The following TEP1 variants were observed in gnomAD, a reference collection of about 807,000 sequenced individuals.
TEP1 encodes the protein telomerase associated protein 1, also known as telomerase protein component 1.
A neutral mutation model predicts 306.3 loss-of-function variants in TEP1; 241 were observed. The ratio of observed to expected loss-of-function variants is 0.79; its 90% CI spans 0.71 to 0.88. The LOEUF (loss-of-function observed/expected upper bound fraction) is 0.88. Ranked by LOEUF, TEP1 falls within the 40% of genes least tolerant of loss-of-function variation. The pLI is 0.00. For missense variants in TEP1, 3,051 were observed against 3,276.1 expected (o/e 0.93, Z 1.68); for synonymous variants, 1,289 against 1,305.5 (o/e 0.99, Z 0.27).
In TEP1 at chr14:20,387,930, G is replaced by A; in HGVS notation, c.2659C>T (p.Pro887Ser). Residue 887 changes from proline (P) to serine (S), a missense_variant, in exon 18 of 55, where the codon CCC becomes TCC. By Grantham distance (74) the Pro-to-Ser change is moderately conservative. This residue lies in a region of TEP1 where 1,507 missense variants were observed against 1,550.5 expected (regional missense o/e 0.97). Transcript: ENST00000262715. ...LRPLEEDTPS[P>S]LAPVSQQGWR... ...CCTTGCTGGGAAACAGGAGCCAAGGGGCTTGGAGTGTCCTCTTCCAGTGGC... is the reference window on the plus strand; with the variant it reads ...CCTTGCTGGGAAACAGGAGCCAAGGAGCTTGGAGTGTCCTCTTCCAGTGGC... The A allele has an allele frequency of 2.5e-6, 4 of 1,613,144 alleles. No homozygotes were observed. Among genetic ancestry groups the A allele is most frequent in the Non-Finnish European group, 3.4e-6 (4 of 1,179,704 alleles).
intron 51 of TEP1, 136 bp from the exon 52 acceptor site, chr14:20,369,915 CAA>C (rs1884727013): frequency 3.5e-6 from 2 of 564,622 alleles, no homozygotes; most frequent in East Asian, 3.1e-5. Flanking sequence ...ATCAAGTGCG[CAA>C]ATTTTTTTTT....
At chr14:20,387,178 C>A (rs1292231819) in intron 18 of TEP1, among the ~76,000 whole-genome samples, 3 of 150,054 alleles carry the variant, frequency 2.0e-5, no homozygotes, top group Admixed American at 6.6e-5. Flanking sequence ...AGGTGATCTG[C>A]CCGCCTCGAC....
Position 20,385,973 on chromosome 14 carries a change from C to A in TEP1, c.2982+102G>T, listed in dbSNP as rs948106473. On this transcript the variant is annotated intron_variant, in intron 20 of 54. Coordinates refer to ENST00000262715, the MANE Select transcript of TEP1 (RefSeq NM_007110.5). ...TTTCACTTCAAGTCTCAAGGACCTG[C>A]CTGTTCATAGTTGCAGGGTTTCTGA... is the stretch of plus-strand genomic sequence containing the variant. The A allele has an allele frequency of 8.2e-6, 12 of 1,456,556 alleles. No homozygotes were observed. In the East Asian group the frequency reaches 2.5e-4, roughly 30 times the overall value. The allele number at this position is 1,456,556 out of a possible 1,614,324, so 90.2% of individuals were successfully genotyped here.
At chr14:20,410,141 A>G (rs1027878540) in intron 1 of TEP1, among the ~76,000 whole-genome samples, 15 of 151,692 alleles carry the variant, frequency 9.9e-5, no homozygotes, top group African/African-American at 2.9e-4. Context: ...AGTGTTCAAT[A>G]TAGAAGCTAT....
rs370768952 is a variant in TEP1 at position 20,366,882 on chromosome 14, C to A, written c.*1555G>T. 9 of 152,304 alleles carry A rather than the reference C, an allele frequency of 5.9e-5. No individual in the cohort carries two copies. The South Asian group carries it at 1.9e-3, about 32-fold the overall frequency. The allele number at this position is 152,304 out of a possible 1,614,324, so 9.4% of individuals were successfully genotyped here. A position where few individuals can be genotyped will look rare whatever the true frequency, so the allele number is the denominator to read the frequency against. The stretch of plus-strand genomic sequence containing the variant: ...GGAAACTAAAGTCAGTGGTTTCAAT[C>A]TTTTGCCTTTTGCTCTCCTAAAAGC... On this transcript the variant is annotated 3_prime_UTR_variant, in exon 55 of 55. Transcript: ENST00000262715.
At chr14:20,382,453 G>C in intron 28 of TEP1, 97 bp from the exon 29 acceptor site, 1 of 1,542,302 alleles carries the variant, frequency 6.5e-7, no homozygotes, top group Non-Finnish European at 8.8e-7. Context: ...CAGTGTGGAG[G>C]AATGAAAAAG....
At chr14:20,407,730 CA>C in intron 2 of TEP1, 142 bp downstream of exon 2, 1 of 739,684 alleles carries the variant, frequency 1.4e-6, no homozygotes, top group Non-Finnish European at 2.3e-6. Context: ...GGTCCTGCAA[CA>C]AAAGGCACCT....
chr14:20,380,769 A>G (rs1162635117), intron 33 of TEP1, among the ~76,000 whole-genome samples, 162 bp downstream of exon 33: 3 of 152,238 alleles, frequency 2.0e-5, no homozygotes, highest in African/African-American at 7.2e-5. Flanking sequence ...AGGTCTCCTG[A>G]GAGTCACGTG....
Position 20,384,426 on chromosome 14 carries a change from C to G in TEP1, c.3304G>C (p.Asp1102His), listed in dbSNP as rs1876931295. ...AGCTTCTGGATCATATTCCATACAT[C>G]CTGCAGAACCAACTGCCCAAACTCC... ...LEEFGQLVLQ[D>H]VWNMIQKLYL... Residue 1102 changes from aspartate (D) to histidine (H), a missense_variant, in exon 23 of 55, where the codon GAT (aspartate) becomes CAT (histidine). Physicochemically the swap from Asp to His is moderately conservative, Grantham distance 81 (BLOSUM62 -1). Around this residue, in one of 3 missense-constraint regions of TEP1, gnomAD observed 1,507 missense variants for 1,550.5 expected, o/e 0.97. Transcript: ENST00000262715. The G allele has an allele frequency of 1.2e-6, 2 of 1,614,074 alleles. No homozygotes were observed. Among genetic ancestry groups the G allele is most frequent in the East Asian group, 2.2e-5 (1 of 44,890 alleles).
In TEP1 at chr14:20,377,694, G is replaced by C. The variant is rs1209507438; in HGVS notation, c.5781C>G (p.Leu1927=). Reference sequence around the variant, plus strand: ...TGAGTGCCACAGAGAGGGCAGGAGAGAGAGAAAGGGAACCCAGGTGCCCAC... The same window carrying C: ...TGAGTGCCACAGAGAGGGCAGGAGACAGAGAAAGGGAACCCAGGTGCCCAC... ...RPRGHLGSLS[L]SPALSVALSP... The change falls in exon 40 of 55, where the codon CTC becomes CTG. Residue 1927 remains leucine (L), a synonymous_variant. Transcript: ENST00000262715. 3.1e-6 allele frequency: 5 copies of C among 1,613,980 alleles called. No individual in the cohort carries two copies. The highest frequency in any genetic ancestry group is 4.2e-6 in the Non-Finnish European group (5 of 1,180,028).
At chr14:20,410,795 CTTTGTGGTTTTTT>C (rs770684074) in intron 1 of TEP1, among the ~76,000 whole-genome samples, 1 of 76,994 alleles carries the variant, frequency 1.3e-5, no homozygotes, top group African/African-American at 5.2e-5. Flanking sequence ...ATTGTTTCTC[CTTTGTGGTTTTTT>C]TTTTTTTTTT....
chr14:20,403,589 G>A (rs565932694), intron 6 of TEP1, 134 bp downstream of exon 6: 9 of 1,582,646 alleles, frequency 5.7e-6, no homozygotes, highest in African/African-American at 1.3e-5. Flanking sequence ...ATGCCCATGA[G>A]CTCTACCCAG....
intron 12 of TEP1, among the ~76,000 whole-genome samples, chr14:20,393,772 A>G (rs1009904938): frequency 6.6e-6 from 1 of 150,400 alleles, no homozygotes; most frequent in Admixed American, 6.6e-5. Flanking sequence ...ACGAAGTGGG[A>G]CTTTGTCTCA....
chr14:20,401,643 C>T (rs1878764210), intron 7 of TEP1, 62 bp from the exon 8 acceptor site: 11 of 1,595,542 alleles, frequency 6.9e-6, no homozygotes, highest in Non-Finnish European at 9.4e-6. Context: ...GAACTTTCTT[C>T]AATAAAGCAG....
At chr14:20,377,791 A>C (rs770758335) in intron 39 of TEP1, 38 bp from the exon 40 acceptor site, 1 of 1,607,802 alleles carries the variant, frequency 6.2e-7, no homozygotes, top group Non-Finnish European at 8.5e-7. Flanking sequence ...TACCACCTCC[A>C]CCACGCGGTC....
At chr14:20,389,874 G>A (rs1877545526) in intron 15 of TEP1, 134 bp from the exon 16 acceptor site, 1 of 1,198,090 alleles carries the variant, frequency 8.3e-7, no homozygotes, top group Non-Finnish European at 1.1e-6. Context: ...CACATAGAAT[G>A]AGGGAAGCCA....
intron 12 of TEP1, 41 bp downstream of exon 12, chr14:20,395,409 C>A: frequency 6.6e-7 from 1 of 1,525,196 alleles, no homozygotes; most frequent in Non-Finnish European, 8.9e-7. Context: ...CCAGGGTAGC[C>A]CCGATTGCCC....
chr14:20,386,086 G>C lies in TEP1; in HGVS notation c.2971C>G (p.His991Asp). 1 of 1,610,176 alleles carries C rather than the reference G, an allele frequency of 6.2e-7. No individual in the cohort carries two copies. The highest frequency in any genetic ancestry group is 8.5e-7 in the Non-Finnish European group (1 of 1,178,578). The change falls in exon 20 of 55, where the codon CAC becomes GAC. Residue 991 changes from histidine to aspartate, a missense_variant. Coordinates refer to ENST00000262715, the MANE Select transcript of TEP1 (RefSeq NM_007110.5). ...PPSYNLPDHPHFHWAQQYPSG... is the reference protein window; with the variant it reads ...PPSYNLPDHPDFHWAQQYPSG... Reference sequence around the variant, plus strand: ...CCTGTCTGCCTTACCCAGTGGAAGTGTGGATGGTCAGGAAGGTTGTAGCTG... The same window carrying C: ...CCTGTCTGCCTTACCCAGTGGAAGTCTGGATGGTCAGGAAGGTTGTAGCTG...
chr14:20,368,779 C>CAT lies in TEP1; in HGVS notation c.7761+18_7761+19insAT, dbSNP rs770290403. ...GCAGGCGCACGCACACACACACACA[C>CAT]ACACACACACACACTTACCAGCTGC... On this transcript the variant is annotated intron_variant, in intron 54 of 54. Coordinates refer to ENST00000262715, the MANE Select transcript of TEP1 (RefSeq NM_007110.5). The CAT allele has an allele frequency of 1.3e-6, 2 of 1,599,808 alleles. No homozygotes were observed. Among genetic ancestry groups the CAT allele is most frequent in the South Asian group, 2.2e-5 (2 of 90,580 alleles).
Sources: gnomAD v4.1 joint callset for allele counts (sites outside exome capture counted in the v4.1 genomes callset) on GRCh38, gnomAD v4.1.1 for gene constraint, gnomAD v4.1.1 regional missense constraint, MANE v1.5 for transcripts, NCBI Gene and HGNC (gene_info 2026-07-23, HGNC 2026-07-21) for gene names.